SOCS5: variants seen among roughly 807,000 people sequenced by gnomAD.
SOCS5 encodes CIS-6.
In SOCS5, 32 loss-of-function variants were observed where a neutral mutation model predicts 42.8. The ratio of observed to expected loss-of-function variants is 0.75; its 90% CI spans 0.56 to 1.01. The LOEUF (loss-of-function observed/expected upper bound fraction) is 1.01. Ranked by LOEUF, SOCS5 falls within the 50% of genes least tolerant of loss-of-function variation. The pLI, the probability that SOCS5 is intolerant of heterozygous loss-of-function variation, is 0.00. For missense variants in SOCS5, 627 were observed against 653.0 expected (o/e 0.96, Z 0.43); for synonymous variants, 283 against 229.6 (o/e 1.23, Z -2.10).
intron 1 of SOCS5, among the ~76,000 whole-genome samples, chr2:46,706,860 T>G (rs1672504294): frequency 1.3e-5 from 2 of 152,214 alleles, no homozygotes; most frequent in Non-Finnish European, 2.9e-5. Context: ...GATGAGTCAC[T>G]GAACTTCTTT....
In SOCS5 at chr2:46,753,947, G is replaced by A. The variant is rs564653761; in HGVS notation, c.-12-4572G>A. Reference sequence around the variant, plus strand: ...CAGAGGTCACTTCGGTTGTCATCTGGTTTTGGTGGGTTTTAACTGGCTTCT... The same window carrying A: ...CAGAGGTCACTTCGGTTGTCATCTGATTTTGGTGGGTTTTAACTGGCTTCT... On this transcript the variant is annotated intron_variant, in intron 1 of 1. Coordinates refer to ENST00000394861, the MANE Select transcript of SOCS5 (RefSeq NM_144949.3). Among the ~76,000 whole-genome samples, 74 of 152,272 alleles carry A rather than the reference G, an allele frequency of 4.9e-4. 1 individual carries two copies. The highest frequency in any genetic ancestry group is 2.2e-4 in the Non-Finnish European group (15 of 68,018).
intron 1 of SOCS5, among the ~76,000 whole-genome samples, chr2:46,743,953 G>C (rs961296409): frequency 1.3e-5 from 2 of 151,668 alleles, no homozygotes; most frequent in East Asian, 3.9e-4. Flanking sequence ...TTTTTTGTGT[G>C]GGTCTTTATA....
intron 1 of SOCS5, among the ~76,000 whole-genome samples, chr2:46,732,263 G>T (rs747800980): frequency 2.6e-5 from 4 of 152,166 alleles, no homozygotes; most frequent in African/African-American, 9.7e-5. Context: ...ATTCCATTCC[G>T]AGAGCACACC....
At chr2:46,728,091 A>G (rs904290701) in intron 1 of SOCS5, among the ~76,000 whole-genome samples, 1 of 152,100 alleles carries the variant, frequency 6.6e-6, no homozygotes, top group Non-Finnish European at 1.5e-5. Context: ...TTAAGCCTGA[A>G]CTGGAGGGCT....
chr2:46,713,193 C>G (rs1335418139), intron 1 of SOCS5, among the ~76,000 whole-genome samples: 2 of 152,022 alleles, frequency 1.3e-5, no homozygotes, highest in African/African-American at 4.8e-5. Flanking sequence ...CCATCTCTAC[C>G]AAAAATTTAA....
chr2:46,716,990 T>A (rs961783920), intron 1 of SOCS5, among the ~76,000 whole-genome samples: 1 of 152,220 alleles, frequency 6.6e-6, no homozygotes, highest in Non-Finnish European at 1.5e-5. Flanking sequence ...TGGCCCTGTG[T>A]GAACTCTAAA....
In SOCS5 at chr2:46,759,047, G is replaced by C; in HGVS notation, c.517G>C (p.Gly173Arg). 6.2e-7 allele frequency: 1 copy of C among 1,613,978 alleles called. No homozygotes were observed. The highest frequency in any genetic ancestry group is 1.1e-5 in the South Asian group (1 of 91,082). The change falls in exon 2 of 2, where the codon GGA (glycine) becomes CGA (arginine). Residue 173 changes from glycine (G) to arginine (R), a missense_variant. By Grantham distance (125) the Gly-to-Arg change is moderately radical. Coordinates refer to ENST00000394861, the MANE Select transcript of SOCS5 (RefSeq NM_144949.3). ...GGACAGTGTTTCCAGCAGAACTGTA[G>C]GAAGTCGCTCTCTAAGACAGAGGTT... is the stretch of plus-strand genomic sequence containing the variant. ...DMDSVSSRTV[G>R]SRSLRQRLQD... is the part of the protein sequence containing the mutation.
chr2:46,738,767 C>G (rs1050487010), intron 1 of SOCS5, among the ~76,000 whole-genome samples: 1 of 152,080 alleles, frequency 6.6e-6, no homozygotes, highest in Non-Finnish European at 1.5e-5. Context: ...ATTTTTTTCC[C>G]ATTAGCATCA....
At chr2:46,729,245 ACT>A (rs1393379860) in intron 1 of SOCS5, among the ~76,000 whole-genome samples, 1 of 152,194 alleles carries the variant, frequency 6.6e-6, no homozygotes, top group African/African-American at 2.4e-5. Context: ...TGAAATTCAC[ACT>A]GTGTTACTCA....
intron 1 of SOCS5, among the ~76,000 whole-genome samples, chr2:46,757,287 G>A (rs990150541): frequency 2.0e-5 from 3 of 152,178 alleles, no homozygotes; most frequent in East Asian, 1.9e-4. Context: ...CTATCATAAT[G>A]TGACAAAACC....
Position 46,758,787 on chromosome 2 carries a change from T to A in SOCS5, c.257T>A (p.Ile86Asn). Residue 86 changes from isoleucine (I) to asparagine (N), a missense_variant, in exon 2 of 2, where the codon ATC (isoleucine) becomes AAC (asparagine). Ile to Asn is a moderately radical substitution (Grantham distance 149). Around this residue, in one of 3 missense-constraint regions of SOCS5, gnomAD observed 278 missense variants for 246.3 expected, o/e 1.13. Coordinates refer to ENST00000394861, the MANE Select transcript of SOCS5 (RefSeq NM_144949.3). ...SRRNQNCATE[I>N]PQIVEISIEK... ...AGAAATCAAAATTGTGCCACAGAAA[T>A]CCCTCAAATTGTTGAAATAAGCATC... 1 of 1,614,116 alleles carries A rather than the reference T, an allele frequency of 6.2e-7. No individual in the cohort carries two copies. The highest frequency in any genetic ancestry group is 1.1e-5 in the South Asian group (1 of 91,082).
chr2:46,759,923 T>G lies in SOCS5; in HGVS notation c.1393T>G (p.Cys465Gly). 6.2e-7 allele frequency: 1 copy of G among 1,614,180 alleles called. No homozygotes were observed. Among genetic ancestry groups the G allele is most frequent in the Non-Finnish European group, 8.5e-7 (1 of 1,180,016 alleles). ...LLEHYKDPSS[C>G]MFFEPLLTIS... The stretch of plus-strand genomic sequence containing the variant: ...AGAACATTATAAAGATCCCAGTTCG[T>G]GCATGTTTTTTGAACCATTGCTTAC... The change falls in exon 2 of 2, where the codon TGC becomes GGC. Residue 465 changes from cysteine (C) to glycine (G), a missense_variant. Physicochemically the swap from Cys to Gly is radical, Grantham distance 159. Around this residue, in one of 3 missense-constraint regions of SOCS5, gnomAD observed 340 missense variants for 367.6 expected, o/e 0.92. Transcript: ENST00000394861.
chr2:46,736,210 T>G (rs929292979), intron 1 of SOCS5, among the ~76,000 whole-genome samples: 1 of 152,072 alleles, frequency 6.6e-6, no homozygotes, highest in Non-Finnish European at 1.5e-5. Flanking sequence ...CCCAGCTAAT[T>G]TTTAACTTTT....
chr2:46,699,182 C>G (rs1206303471), upstream of SOCS5: 2 of 152,136 alleles, frequency 1.3e-5, no homozygotes, highest in Non-Finnish European at 2.9e-5. The surrounding 1 kb of genome is among the most constrained non-coding windows in gnomAD (Gnocchi z 4.8). Flanking sequence ...ATTTTCCATT[C>G]TGGTGGGGGT....
chr2:46,741,143 T>C (rs1673365463), intron 1 of SOCS5, among the ~76,000 whole-genome samples: 2 of 152,186 alleles, frequency 1.3e-5, no homozygotes, highest in African/African-American at 4.8e-5. Flanking sequence ...CTTTAAAAAG[T>C]TTTTAAAATA....
intron 1 of SOCS5, among the ~76,000 whole-genome samples, chr2:46,723,440 C>T (rs560946316): frequency 3.0e-4 from 45 of 152,068 alleles, no homozygotes; most frequent in Middle Eastern, 3.4e-3. Context: ...ATCTGTGATC[C>T]ATTTTGAGTT....
At chr2:46,720,034 C>T (rs1406381279) in intron 1 of SOCS5, among the ~76,000 whole-genome samples, 1 of 152,146 alleles carries the variant, frequency 6.6e-6, no homozygotes, top group Non-Finnish European at 1.5e-5. Context: ...GTTATATCTG[C>T]TGAAAGGATG....
At position 46,760,246 on chromosome 2, in the gene SOCS5, T is replaced by G; in HGVS notation, c.*105T>G. On this transcript the variant is annotated 3_prime_UTR_variant, in exon 2 of 2. Coordinates refer to ENST00000394861, the MANE Select transcript of SOCS5 (RefSeq NM_144949.3). ...CAGTGTTAGGCTTTTTCATACAGTATGTAAGCTTAGTGTTAGTATCTGTCA... is the reference window on the plus strand; with the variant it reads ...CAGTGTTAGGCTTTTTCATACAGTAGGTAAGCTTAGTGTTAGTATCTGTCA... 1 of 793,370 alleles carries G rather than the reference T, an allele frequency of 1.3e-6. No homozygotes were observed. Among genetic ancestry groups the G allele is most frequent in the Non-Finnish European group, 2.1e-6 (1 of 487,288 alleles). The allele number at this position is 793,370 out of a possible 1,614,324, so 49.1% of individuals were successfully genotyped here.
At chr2:46,716,367 A>ATTTTTTTTTTTTTTTTTTT (rs35187667) in intron 1 of SOCS5, among the ~76,000 whole-genome samples, 7 of 17,042 alleles carry the variant, frequency 4.1e-4, no homozygotes, top group Non-Finnish European at 5.8e-4. Context: ...GAGTGTCTTC[A>ATTTTTTTTTTTTTTTTTTT]TTTTTTTTTT....
Sources: allele counts gnomAD v4.1 joint callset (sites outside exome capture counted in the v4.1 genomes callset), GRCh38; gene constraint gnomAD v4.1.1; regional missense constraint gnomAD v4.1.1; non-coding constraint Gnocchi (gnomAD v3.1); transcripts MANE v1.5; gene names NCBI Gene and HGNC (gene_info 2026-07-23, HGNC 2026-07-21).